The following TBCB variants were observed in gnomAD, a reference collection of about 807,000 sequenced individuals.
The protein encoded by TBCB is tubulin folding cofactor B, also known as tubulin-folding cofactor B.
Under a neutral mutation model 29.2 loss-of-function variants are expected in TBCB, and 18 were observed. That is an observed-to-expected ratio of 0.62 (90% CI 0.43 to 0.91). The LOEUF is 0.91. Ranked by LOEUF, TBCB falls within the 40% of genes least tolerant of loss-of-function variation. The pLI, the probability that TBCB is intolerant of heterozygous loss-of-function variation, is 0.00. For synonymous variants in TBCB, 172 were observed against 137.8 expected (o/e 1.25, Z -1.74); for missense variants, 336 against 337.6 (o/e 1.00, Z 0.04).
rs1187130297 is a variant in TBCB, at chr19:36,121,649, C to A, written c.478C>A (p.Pro160Thr). The change falls in exon 4 of 6, where the codon CCC (proline) becomes ACC (threonine). Residue 160 changes from proline (P) to threonine (T), a missense_variant. Coordinates refer to ENST00000221855, the MANE Select transcript of TBCB (RefSeq NM_001281.3). ...GGAGAAGGCCCAGGCCAGCTCCATC[C>A]CCGTGGGCAGCCGCTGTGAGGTGCG... Reference protein sequence around the residue: ...AEEKAQASSIPVGSRCEVRAA... With the variant: ...AEEKAQASSITVGSRCEVRAA... The A allele has an allele frequency of 6.4e-7, 1 of 1,560,360 alleles. No individual in the cohort carries two copies. Among genetic ancestry groups the A allele is most frequent in the Non-Finnish European group, 8.7e-7 (1 of 1,153,808 alleles).
At chr19:36,122,034 C>T (rs1313730143) in intron 4 of TBCB, 3 of 459,916 alleles carry the variant, frequency 6.5e-6, no homozygotes, top group African/African-American at 2.1e-5. Flanking sequence ...GGCGGCGTGA[C>T]CAAGGCAGGA....
At position 36,115,496 on chromosome 19, in the gene TBCB, C is replaced by T; in HGVS notation, c.-65C>T. On this transcript the variant is annotated 5_prime_UTR_variant, in exon 1 of 6. Transcript: ENST00000221855. Reference sequence around the variant, plus strand: ...GATAGCCCAGCAGCAGCAGCGGCGGCGGCGGCTGCGGAGCGGGTGTGAGGC... The same window carrying T: ...GATAGCCCAGCAGCAGCAGCGGCGGTGGCGGCTGCGGAGCGGGTGTGAGGC... 8.0e-7 allele frequency: 1 copy of T among 1,257,700 alleles called. No individual in the cohort carries two copies. Among genetic ancestry groups the T allele is most frequent in the Non-Finnish European group, 1.1e-6 (1 of 891,752 alleles). 77.9% of individuals were successfully genotyped at this position (1,257,700 alleles called of 1,614,324 possible). A position where few individuals can be genotyped will look rare whatever the true frequency, so the allele number is the denominator to read the frequency against.
intron 2 of TBCB, among the ~76,000 whole-genome samples, chr19:36,117,100 T>C (rs934421995): frequency 1.3e-5 from 2 of 152,222 alleles, no homozygotes; most frequent in Non-Finnish European, 2.9e-5. Flanking sequence ...TAGTGAAGTC[T>C]TCACCGGCCT....
Position 36,115,555 on chromosome 19 carries a change from G to A in TBCB, c.-6G>A. The A allele has an allele frequency of 6.2e-7, 1 of 1,600,428 alleles. No homozygotes were observed. Among genetic ancestry groups the A allele is most frequent in the Non-Finnish European group, 8.5e-7 (1 of 1,174,042 alleles). On this transcript the variant is annotated 5_prime_UTR_variant, in exon 1 of 6. Transcript: ENST00000221855. ...CGCGCTGCAGGCATCCGCAGGGCGC[G>A]GCAAGATGGAGGTGACGGGGGTGTC...
In TBCB at chr19:36,121,705, C is replaced by A; in HGVS notation, c.534C>A (p.Thr178=). ...RAAGQSPRRG[T]VMYVGLTDFK... The stretch of plus-strand genomic sequence containing the variant: ...CGGGACAATCCCCTCGCCGGGGCAC[C>A]GTCATGTATGTAGGTGCGTGGCTCG... The change falls in exon 4 of 6, where the codon ACC becomes ACA. Residue 178 remains threonine, a synonymous_variant. Coordinates refer to ENST00000221855, the MANE Select transcript of TBCB (RefSeq NM_001281.3). 1 of 1,551,156 alleles carries A rather than the reference C, an allele frequency of 6.4e-7. No homozygotes were observed.
At position 36,115,543 on chromosome 19, in the gene TBCB, T is replaced by A. The variant is rs1279564155; in HGVS notation, c.-18T>A. 6.3e-7 allele frequency: 1 copy of A among 1,584,056 alleles called. No homozygotes were observed. ...AGGCGGCTGGACCGCGCTGCAGGCA[T>A]CCGCAGGGCGCGGCAAGATGGAGGT... On this transcript the variant is annotated 5_prime_UTR_variant, in exon 1 of 6. Coordinates refer to ENST00000221855, the MANE Select transcript of TBCB (RefSeq NM_001281.3).
At chr19:36,117,078 G>A (rs1435161930) in intron 2 of TBCB, among the ~76,000 whole-genome samples, 1 of 152,180 alleles carries the variant, frequency 6.6e-6, no homozygotes, top group African/African-American at 2.4e-5. Context: ...TTAATTTAAA[G>A]TGTCAGTATT....
At chr19:36,125,357 C>A in intron 4 of TBCB, 94 bp from the exon 5 acceptor site, 2 of 1,365,190 alleles carry the variant, frequency 1.5e-6, no homozygotes, top group Non-Finnish European at 2.1e-6. Context: ...GGCTTCTACT[C>A]AATGGGTAGG....
At chr19:36,120,562 G>A (rs533725351) in intron 2 of TBCB, 148 bp from the exon 3 acceptor site, 13 of 627,116 alleles carry the variant, frequency 2.1e-5, no homozygotes, top group African/African-American at 5.5e-5. Flanking sequence ...TCTCCCTTCC[G>A]CTGGGCTCAG....
chr19:36,115,382 C>G, upstream of TBCB: 1 of 599,046 alleles, frequency 1.7e-6, no homozygotes. Flanking sequence ...GAGCCCTCTT[C>G]CTGGCGGTGG....
chr19:36,116,339 A>G, intron 2 of TBCB, 155 bp downstream of exon 2: 1 of 1,031,062 alleles, frequency 9.7e-7, no homozygotes, highest in Non-Finnish European at 1.4e-6. Context: ...CCATCATTAG[A>G]CAGGGACAGC....
intron 2 of TBCB, chr19:36,120,395 C>T: frequency 2.6e-6 from 1 of 382,076 alleles, no homozygotes; most frequent in Non-Finnish European, 5.0e-6. Context: ...GTGCACAGGG[C>T]TGTGGGCAAG....
At chr19:36,120,842 C>T (rs1256185459) in intron 3 of TBCB, 36 bp downstream of exon 3, 1 of 1,599,116 alleles carries the variant, frequency 6.3e-7, no homozygotes, top group Non-Finnish European at 8.6e-7. Flanking sequence ...TGCGTGGGGG[C>T]CAGAGGGAGT....
chr19:36,116,191 A>G lies in TBCB; in HGVS notation c.258+7A>G, dbSNP rs777218816. 1 of 1,613,096 alleles carries G rather than the reference A, an allele frequency of 6.2e-7. No individual in the cohort carries two copies. Among genetic ancestry groups the G allele is most frequent in the East Asian group, 2.2e-5 (1 of 44,828 alleles). On this transcript the variant is annotated splice_region_variant and intron_variant, in intron 2 of 5. Transcript: ENST00000221855. The stretch of plus-strand genomic sequence containing the variant: ...TGACGGCTGCCGCATCCACGTGAGG[A>G]CTCTCTATCTGGGACACTCCCCCAC...
upstream of TBCB, chr19:36,115,335 C>T (rs1973927036): frequency 1.1e-5 from 6 of 568,238 alleles, no homozygotes; most frequent in Middle Eastern, 9.3e-4. Context: ...CTATGGAAGG[C>T]CCCTCTGGAT....
intron 4 of TBCB, 115 bp from the exon 5 acceptor site, chr19:36,125,336 T>C: frequency 8.5e-7 from 1 of 1,172,596 alleles, no homozygotes; most frequent in Non-Finnish European, 1.3e-6. Context: ...GAAATGGTTT[T>C]CACCAAGACA....
Position 36,125,736 on chromosome 19 carries a change from C to A in TBCB, c.689C>A (p.Thr230Lys). The change falls in exon 6 of 6, where the codon ACG becomes AAG. Residue 230 changes from threonine to lysine, a missense_variant. Transcript: ENST00000221855. The stretch of plus-strand genomic sequence containing the variant: ...GCCTTTGTCAAGCCAGCAGTCGTGA[C>A]GGTGGGGGACTTCCCGGAGGAGGAC... ...YGAFVKPAVV[T>K]VGDFPEEDYG... 1 of 1,571,192 alleles carries A rather than the reference C, an allele frequency of 6.4e-7. No homozygotes were observed. Among genetic ancestry groups the A allele is most frequent in the Non-Finnish European group, 8.6e-7 (1 of 1,158,838 alleles).
chr19:36,124,462 C>G (rs1974104862), intron 4 of TBCB, among the ~76,000 whole-genome samples: 1 of 152,110 alleles, frequency 6.6e-6, no homozygotes, highest in Non-Finnish European at 1.5e-5. Flanking sequence ...CTCAAGTGAT[C>G]CACCTGAGCT....
intron 3 of TBCB, 97 bp from the exon 4 acceptor site, chr19:36,121,426 AAGAG>A: frequency 2.9e-6 from 4 of 1,382,954 alleles, no homozygotes; most frequent in South Asian, 1.4e-5. Context: ...TGTCACCTGG[AAGAG>A]AGAGTTCCTC....
Sources: gnomAD v4.1 joint callset for allele counts (sites outside exome capture counted in the v4.1 genomes callset) on GRCh38, gnomAD v4.1.1 for gene constraint, MANE v1.5 for transcripts, NCBI Gene and HGNC (gene_info 2026-07-23, HGNC 2026-07-21) for gene names.